PCDHA5: variants seen among roughly 807,000 people sequenced by gnomAD.
The protein encoded by PCDHA5 is protocadherin alpha 5.
PCDHA5 carries 43 observed loss-of-function variants against 61.6 expected under a neutral mutation model. That is an observed-to-expected ratio of 0.70 (90% confidence interval 0.55 to 0.90). The LOEUF is 0.90. Among genes scored for constraint, PCDHA5 ranks in the 40% least tolerant of loss-of-function variants. The probability of loss-of-function intolerance (pLI) is 0.00; values close to 1 mark genes in which losing one functional copy is unlikely to be tolerated. For missense variants in PCDHA5, 1,298 were observed against 1,222.7 expected, an observed-to-expected ratio of 1.06 and a Z score of -0.92; for synonymous variants, 627 against 543.9, an observed-to-expected ratio of 1.15 and a Z score of -2.13.
chr5:140,935,995 C>T (rs1282709145), intron 1 of PCDHA5, among the ~76,000 whole-genome samples: 7 of 150,888 alleles, frequency 4.6e-5, no homozygotes, highest in South Asian at 2.1e-4. Context: ...CGGGTTCAAG[C>T]GATTCTCCCA....
chr5:140,949,161 C>T (rs2094347975), intron 1 of PCDHA5, among the ~76,000 whole-genome samples: 1 of 151,598 alleles, frequency 6.6e-6, no homozygotes, highest in Admixed American at 6.6e-5. Context: ...TAATCTAATT[C>T]TCTTTTGGTC....
At chr5:140,975,560 A>T (rs1302523568) in intron 1 of PCDHA5, among the ~76,000 whole-genome samples, 1 of 152,238 alleles carries the variant, frequency 6.6e-6, no homozygotes, top group Non-Finnish European at 1.5e-5. Flanking sequence ...AAGGAAAAGG[A>T]GATATTATAT....
At chr5:140,848,789 G>A in intron 1 of PCDHA5, 1 of 1,593,198 alleles carries the variant, frequency 6.3e-7, no homozygotes, top group East Asian at 2.2e-5. Flanking sequence ...TGTGCGGGCG[G>A]AGCGCGGAGT....
chr5:140,850,665 T>TCGGCGATGCC, intron 1 of PCDHA5: 1 of 1,598,290 alleles, frequency 6.3e-7, no homozygotes, highest in African/African-American at 1.3e-5. Context: ...GCTGCGGTGC[T>TCGGCGATGCC]CGGCGATGCC....
At chr5:140,840,253 T>C (rs1554137747) in intron 1 of PCDHA5, among the ~76,000 whole-genome samples, 1 of 151,988 alleles carries the variant, frequency 6.6e-6, no homozygotes, top group Non-Finnish European at 1.5e-5. Context: ...GCTATAAAAA[T>C]TGTGATTTTT....
intron 3 of PCDHA5, among the ~76,000 whole-genome samples, chr5:140,989,715 G>A (rs2097356088): frequency 6.6e-6 from 1 of 152,166 alleles, no homozygotes; most frequent in Non-Finnish European, 1.5e-5. Flanking sequence ...GAGGCAGTCA[G>A]CTTTGCAGTT....
intron 1 of PCDHA5, among the ~76,000 whole-genome samples, chr5:140,947,169 G>GTA (rs1235035694): frequency 1.3e-5 from 2 of 150,968 alleles, no homozygotes; most frequent in Non-Finnish European, 3.0e-5. Context: ...AGAAAATGTG[G>GTA]TATATATTCA....
At position 140,855,615 on chromosome 5, in the gene PCDHA5, G is replaced by A. The variant is rs533931974; in HGVS notation, c.2352+31488G>A. On this transcript the variant is annotated intron_variant, in intron 1 of 3. Coordinates refer to ENST00000529859, the MANE Select transcript of PCDHA5 (RefSeq NM_018908.3). ...ACTCAGTAGTATGCAAATATTAAGG[G>A]CATTTTGAAATTCGGCTATTGATAA... Among the ~76,000 whole-genome samples, 21 of 149,700 alleles carry A rather than the reference G, an allele frequency of 1.4e-4. 1 individual carries two copies. Among genetic ancestry groups the A allele is most frequent in the African/African-American group, 5.1e-4 (21 of 40,910 alleles).
intron 1 of PCDHA5, chr5:140,926,951 G>T (rs1554203848): frequency 1.9e-6 from 3 of 1,596,266 alleles, no homozygotes; most frequent in Middle Eastern, 1.7e-4. Context: ...GCTGCAGCGG[G>T]ACAGCTCGAG....
chr5:141,007,348 C>T (rs1300636691), intron 3 of PCDHA5, among the ~76,000 whole-genome samples: 3 of 142,438 alleles, frequency 2.1e-5, no homozygotes, highest in African/African-American at 5.3e-5. Context: ...CTCAGGAGTT[C>T]GAGACCAGCC....
At chr5:140,836,601 G>A (rs1774608551) in intron 1 of PCDHA5, 1 of 1,613,748 alleles carries the variant, frequency 6.2e-7, no homozygotes, top group Non-Finnish European at 8.5e-7. Context: ...GCCCACTCTG[G>A]TGTGCTCCAG....
At chr5:140,828,399 G>A in intron 1 of PCDHA5, 1 of 1,614,300 alleles carries the variant, frequency 6.2e-7, no homozygotes, top group Non-Finnish European at 8.5e-7. Flanking sequence ...GCGGAGTGCA[G>A]CATCCACCTG....
At chr5:140,968,845 G>A in intron 1 of PCDHA5, 1 of 1,614,176 alleles carries the variant, frequency 6.2e-7, no homozygotes. Flanking sequence ...ACACTCAGAG[G>A]CATGTTAAGA....
At chr5:140,869,099 A>G in intron 1 of PCDHA5, 1 of 1,596,446 alleles carries the variant, frequency 6.3e-7, no homozygotes, top group African/African-American at 1.3e-5. Flanking sequence ...CCAATTTCGT[A>G]TGCGATGTTT....
chr5:140,882,153 A>G (rs1197738298), intron 1 of PCDHA5: 9 of 1,505,320 alleles, frequency 6.0e-6, no homozygotes, highest in Admixed American at 2.3e-5. Flanking sequence ...CAGAAAGCGG[A>G]ATACCTCTTG....
intron 1 of PCDHA5, chr5:140,862,727 C>G (rs1407282014): frequency 3.5e-6 from 2 of 570,998 alleles, no homozygotes; most frequent in African/African-American, 1.9e-5. Context: ...TGCGCGCTGT[C>G]TAGCTATGTG....
At chr5:140,846,712 C>G (rs1014332332) in intron 1 of PCDHA5, among the ~76,000 whole-genome samples, 1 of 149,228 alleles carries the variant, frequency 6.7e-6, no homozygotes, top group Non-Finnish European at 1.5e-5. Context: ...ATTGTAATAA[C>G]CAGTCTTCAT....
intron 1 of PCDHA5, chr5:140,853,539 T>A: frequency 1.0e-6 from 1 of 979,080 alleles, no homozygotes; most frequent in South Asian, 4.8e-5. Context: ...TCTTTTCAAG[T>A]TGTAATTACT....
intron 1 of PCDHA5, among the ~76,000 whole-genome samples, chr5:140,936,151 C>G (rs947807537): frequency 6.6e-6 from 1 of 152,128 alleles, no homozygotes; most frequent in Non-Finnish European, 1.5e-5. Context: ...CCTTGGCCTC[C>G]TAAAGTGCTG....
Sources: allele counts gnomAD v4.1 joint callset (sites outside exome capture counted in the v4.1 genomes callset), GRCh38; gene constraint gnomAD v4.1.1; transcripts MANE v1.5; gene names NCBI Gene and HGNC (gene_info 2026-07-23, HGNC 2026-07-21).